The following B3GALT1 variants were observed in gnomAD, a reference collection of about 807,000 sequenced individuals.
The protein encoded by B3GALT1 is UDP-Gal:betaGlcNAc beta 1,3-galactosyltransferase, polypeptide 1.
In B3GALT1, 10 loss-of-function variants were observed where a neutral mutation model predicts 23.2. That is an observed-to-expected ratio of 0.43 (90% CI 0.27 to 0.73). The LOEUF is 0.73. Among genes scored for constraint, B3GALT1 ranks in the 30% least tolerant of loss-of-function variants. The pLI, the probability that B3GALT1 is intolerant of heterozygous loss-of-function variation, is 0.21. For missense variants in B3GALT1, 299 were observed against 405.4 expected, an observed-to-expected ratio of 0.74 and a Z score of 2.25; for synonymous variants, 156 against 141.5, an observed-to-expected ratio of 1.10 and a Z score of -0.73.
chr2:167,737,379 A>G (rs10930282), intron 3 of B3GALT1, among the ~76,000 whole-genome samples: 22,857 of 152,326 alleles, frequency 0.15, 2,082 homozygotes, highest in Non-Finnish European at 0.21. Flanking sequence ...ATCAGCATTC[A>G]TTGAAGTCAT....
chr2:167,305,844 A>G (rs1696543573), intron 1 of B3GALT1, among the ~76,000 whole-genome samples: 1 of 152,104 alleles, frequency 6.6e-6, no homozygotes, highest in Non-Finnish European at 1.5e-5. Flanking sequence ...CTCCTTTGCC[A>G]TCCTGCGGTC....
intron 1 of B3GALT1, among the ~76,000 whole-genome samples, chr2:167,349,810 C>A (rs1237657017): frequency 6.6e-6 from 1 of 152,026 alleles, no homozygotes; most frequent in Non-Finnish European, 1.5e-5. Flanking sequence ...GGGATTGCTG[C>A]ACTTAGTATT....
At position 167,564,110 on chromosome 2, in the gene B3GALT1, G is replaced by T. The variant is rs191294363; in HGVS notation, c.-410+73833G>T. On this transcript the variant is annotated intron_variant, in intron 2 of 4. Coordinates refer to ENST00000392690, the MANE Select transcript of B3GALT1 (RefSeq NM_020981.4). The stretch of plus-strand genomic sequence containing the variant: ...AGGGGCCCCTCACCTCTCAGACGGG[G>T]CGGCTGCCTGGCGGAGGGGCTCCTC... 3.9e-3 allele frequency among the ~76,000 whole-genome samples: 587 copies of T among 151,518 alleles called. 20 individuals are homozygous for T. The East Asian group carries it at 0.076, about 20-fold the overall frequency.
intron 1 of B3GALT1, among the ~76,000 whole-genome samples, chr2:167,389,902 C>A (rs1217268582): frequency 7.9e-6 from 1 of 127,206 alleles, no homozygotes; most frequent in Non-Finnish European, 1.6e-5. Context: ...CAGAGGGATA[C>A]CCTGTCCAAA....
chr2:167,548,353 T>C (rs369017039), intron 2 of B3GALT1, among the ~76,000 whole-genome samples: 10 of 152,324 alleles, frequency 6.6e-5, no homozygotes, highest in East Asian at 5.8e-4. Flanking sequence ...CTAATACCCA[T>C]GATCTCTTTC....
At chr2:167,418,815 G>A (rs1228656584) in intron 1 of B3GALT1, among the ~76,000 whole-genome samples, 4 of 152,132 alleles carry the variant, frequency 2.6e-5, no homozygotes, top group African/African-American at 9.7e-5. Context: ...GGGATTACAG[G>A]CGTGAGCCAC....
intron 1 of B3GALT1, among the ~76,000 whole-genome samples, chr2:167,331,213 G>A (rs1277367522): frequency 2.6e-5 from 4 of 152,174 alleles, no homozygotes; most frequent in African/African-American, 9.7e-5. Flanking sequence ...AGGTAGGCCA[G>A]CTTTGGGCCC....
intron 1 of B3GALT1, among the ~76,000 whole-genome samples, chr2:167,317,512 C>G (rs576444932): frequency 1.5e-4 from 23 of 152,202 alleles, no homozygotes; most frequent in African/African-American, 5.1e-4. Context: ...CTTCTTACAG[C>G]CATCATAAAG....
At chr2:167,646,405 A>G (rs1383051672) in intron 2 of B3GALT1, among the ~76,000 whole-genome samples, 2 of 152,138 alleles carry the variant, frequency 1.3e-5, no homozygotes, top group African/African-American at 4.8e-5. Flanking sequence ...AGAGAGAACT[A>G]TTTTACTATT....
intron 1 of B3GALT1, among the ~76,000 whole-genome samples, chr2:167,474,066 A>G (rs957650376): frequency 6.6e-6 from 1 of 152,198 alleles, no homozygotes; most frequent in Non-Finnish European, 1.5e-5. Flanking sequence ...ACTCTAAGAA[A>G]GTTAGTATTG....
At chr2:167,768,287 A>G (rs1221482625) in intron 3 of B3GALT1, among the ~76,000 whole-genome samples, 2 of 152,238 alleles carry the variant, frequency 1.3e-5, no homozygotes, top group Admixed American at 1.3e-4. Context: ...TGCTGTAGCA[A>G]TATATTTACT....
At chr2:167,448,391 G>A (rs1699036206) in intron 1 of B3GALT1, among the ~76,000 whole-genome samples, 1 of 151,872 alleles carries the variant, frequency 6.6e-6, no homozygotes, top group African/African-American at 2.4e-5. Context: ...TAATATGTTT[G>A]TTGTACATTT....
intron 3 of B3GALT1, among the ~76,000 whole-genome samples, chr2:167,770,651 A>G (rs987736938): frequency 6.6e-6 from 1 of 152,126 alleles, no homozygotes; most frequent in African/African-American, 2.4e-5. Flanking sequence ...ATTTTTTTTC[A>G]TAGATCATAC....
At chr2:167,695,488 A>G in intron 3 of B3GALT1, among the ~76,000 whole-genome samples, 1 of 152,168 alleles carries the variant, frequency 6.6e-6, no homozygotes, top group East Asian at 1.9e-4. Context: ...TTGTTTACTA[A>G]AATGTAAATC....
chr2:167,457,205 C>T (rs1357631416), intron 1 of B3GALT1, among the ~76,000 whole-genome samples: 2 of 152,000 alleles, frequency 1.3e-5, no homozygotes, highest in African/African-American at 4.8e-5. Context: ...CGGAGTCTTA[C>T]TTTGTCACCC....
At chr2:167,398,559 A>G (rs931504787) in intron 1 of B3GALT1, among the ~76,000 whole-genome samples, 1 of 152,162 alleles carries the variant, frequency 6.6e-6, no homozygotes, top group Non-Finnish European at 1.5e-5. Context: ...GAAAGGTAAA[A>G]TGAAGAACAA....
chr2:167,302,339 A>G (rs1214701157), intron 1 of B3GALT1, among the ~76,000 whole-genome samples: 1 of 152,178 alleles, frequency 6.6e-6, no homozygotes, highest in Non-Finnish European at 1.5e-5. Flanking sequence ...CATTAAAAAA[A>G]TCTATACTAA....
At chr2:167,723,824 C>T (rs1021836789) in intron 3 of B3GALT1, among the ~76,000 whole-genome samples, 3 of 152,168 alleles carry the variant, frequency 2.0e-5, no homozygotes, top group Non-Finnish European at 4.4e-5. Context: ...AGCCACCGTG[C>T]CTGACCCCAC....
At chr2:167,428,732 A>G (rs1054790407) in intron 1 of B3GALT1, among the ~76,000 whole-genome samples, 4 of 152,080 alleles carry the variant, frequency 2.6e-5, no homozygotes, top group Non-Finnish European at 5.9e-5. Flanking sequence ...AAACATAAGC[A>G]AAGGTGATGT....
Sources: gnomAD v4.1 joint callset for allele counts (sites outside exome capture counted in the v4.1 genomes callset) on GRCh38, gnomAD v4.1.1 for gene constraint, MANE v1.5 for transcripts, NCBI Gene and HGNC (gene_info 2026-07-23, HGNC 2026-07-21) for gene names.